Variants in OR51B5 observed in about 807,000 individuals in gnomAD.
OR51B5 encodes olfactory receptor 51B5.
For missense variants in OR51B5, 456 were observed against 374.6 expected (o/e 1.22, Z -1.79); for synonymous variants, 186 against 144.8 (o/e 1.28, Z -2.04).
intron 1 of OR51B5, among the ~76,000 whole-genome samples, chr11:5,443,511 GT>G (rs79669964): frequency 0.011 from 1,595 of 145,614 alleles, 21 homozygotes; most frequent in African/African-American, 0.032. Flanking sequence ...GTTCAGATCT[GT>G]TTTTTTTTTT....
At chr11:5,368,091 T>G (rs1378676885) in intron 1 of OR51B5, among the ~76,000 whole-genome samples, 1 of 152,160 alleles carries the variant, frequency 6.6e-6, no homozygotes, top group Non-Finnish European at 1.5e-5. Flanking sequence ...CACTCAGAAC[T>G]CTCTTTCTTT....
At chr11:5,433,322 G>T in intron 1 of OR51B5, among the ~76,000 whole-genome samples, 1 of 152,254 alleles carries the variant, frequency 6.6e-6, no homozygotes, top group East Asian at 1.9e-4. Flanking sequence ...CATAGTTAAT[G>T]TAATATAACA....
chr11:5,416,772 A>T (rs1434280701), intron 1 of OR51B5, among the ~76,000 whole-genome samples: 1 of 145,760 alleles, frequency 6.9e-6, no homozygotes, highest in African/African-American at 2.5e-5. Flanking sequence ...TCAATGAAAT[A>T]AAAGAGGATA....
At chr11:5,447,657 T>C (rs936956830) in intron 1 of OR51B5, among the ~76,000 whole-genome samples, 2 of 152,154 alleles carry the variant, frequency 1.3e-5, no homozygotes, top group Non-Finnish European at 2.9e-5. Flanking sequence ...CATTCCTCCT[T>C]TGCCAACCAG....
At chr11:5,381,922 C>T (rs1849614116) in intron 1 of OR51B5, among the ~76,000 whole-genome samples, 1 of 152,110 alleles carries the variant, frequency 6.6e-6, no homozygotes, top group South Asian at 2.1e-4. Context: ...GTAGGTTATC[C>T]ACTAAACAGT....
At chr11:5,456,750 T>C (rs528651177) in intron 1 of OR51B5, among the ~76,000 whole-genome samples, 16 of 152,210 alleles carry the variant, frequency 1.1e-4, no homozygotes, top group Admixed American at 3.3e-4. Flanking sequence ...AAATCTCAGG[T>C]TGAAATATAA....
At chr11:5,441,033 A>T (rs1159173020) in intron 1 of OR51B5, 1 of 1,613,934 alleles carries the variant, frequency 6.2e-7, no homozygotes, top group East Asian at 2.2e-5. Context: ...CACAAAAGGG[A>T]AAGGGAAGAG....
At chr11:5,465,487 C>T (rs34809204) in intron 1 of OR51B5, among the ~76,000 whole-genome samples, 47,756 of 151,440 alleles carry the variant, frequency 0.32, 8,015 homozygotes, top group Non-Finnish European at 0.36. Flanking sequence ...CAAAAAAGAG[C>T]CCCCATCACC....
chr11:5,446,731 G>C (rs569819119), intron 1 of OR51B5, among the ~76,000 whole-genome samples: 10 of 152,142 alleles, frequency 6.6e-5, no homozygotes, highest in Non-Finnish European at 1.5e-4. Flanking sequence ...CCATTCTAGG[G>C]ACATCTATTT....
chr11:5,424,850 C>A (rs1289559759), intron 1 of OR51B5, among the ~76,000 whole-genome samples: 1 of 104,574 alleles, frequency 9.6e-6, no homozygotes. Context: ...GGCGTGGTGG[C>A]GGGCGCCTAT....
intron 1 of OR51B5, among the ~76,000 whole-genome samples, chr11:5,464,926 G>A (rs528205420): frequency 6.6e-6 from 1 of 152,282 alleles, no homozygotes; most frequent in African/African-American, 2.4e-5. Flanking sequence ...GTTCCTATTG[G>A]CTGGGCGCGG....
intron 1 of OR51B5, among the ~76,000 whole-genome samples, chr11:5,429,537 A>C (rs1157153403): frequency 1.3e-5 from 2 of 152,110 alleles, no homozygotes; most frequent in African/African-American, 4.8e-5. Flanking sequence ...CCATAAATTC[A>C]CTTTATACAA....
At chr11:5,444,957 A>G (rs971806756) in intron 1 of OR51B5, among the ~76,000 whole-genome samples, 2 of 152,228 alleles carry the variant, frequency 1.3e-5, no homozygotes, top group Non-Finnish European at 2.9e-5. Flanking sequence ...AGCTCTCCTG[A>G]GACCTTCACA....
At chr11:5,343,412 A>G (rs773484190) in exon 1 of OR51B5, 15 of 1,613,744 alleles carry the variant, frequency 9.3e-6, no homozygotes, top group Admixed American at 1.7e-5. Flanking sequence ...GCCATTGCCA[A>G]AAAGGATGGA....
intron 1 of OR51B5, among the ~76,000 whole-genome samples, chr11:5,451,120 T>C (rs1232646877): frequency 9.9e-5 from 15 of 152,242 alleles, no homozygotes; most frequent in Non-Finnish European, 1.9e-4. Flanking sequence ...ATGCGTTCAA[T>C]AAGTATTCAT....
rs192714273 is a variant in OR51B5 at position 5,371,477 on chromosome 11, C to T, written n.85-24567G>A. ...CCCTGAGAGACAGTGATAGCTGTAT[C>T]TAAAGAGTACTGATATTAAAAATAG... On this transcript the variant is annotated intron_variant and non_coding_transcript_variant, in intron 1 of 4. Transcript: ENST00000415970. Among the ~76,000 whole-genome samples, 548 of 152,054 alleles carry T rather than the reference C, an allele frequency of 3.6e-3. 2 individuals are homozygous for T. Among genetic ancestry groups the T allele is most frequent in the African/African-American group, 0.012 (517 of 41,514 alleles).
intron 1 of OR51B5, among the ~76,000 whole-genome samples, chr11:5,373,389 C>G (rs1041022868): frequency 3.3e-5 from 5 of 152,154 alleles, no homozygotes; most frequent in African/African-American, 1.2e-4. Context: ...CTACAGCTCC[C>G]AGCGTGAACA....
intron 1 of OR51B5, among the ~76,000 whole-genome samples, chr11:5,463,076 G>T (rs1851083379): frequency 6.6e-6 from 1 of 152,124 alleles, no homozygotes; most frequent in African/African-American, 2.4e-5. Context: ...GGTGGGTGTG[G>T]TTTCATTCAT....
At chr11:5,498,382 G>T (rs422743) in intron 1 of OR51B5, among the ~76,000 whole-genome samples, 150,257 of 152,250 alleles carry the variant, frequency 0.99, 74,180 homozygotes, top group East Asian at 1. Context: ...CAAAGGACAG[G>T]ACCCAAGAAA....
Sources: gnomAD v4.1 joint callset for allele counts (sites outside exome capture counted in the v4.1 genomes callset) on GRCh38, gnomAD v4.1.1 for gene constraint, MANE v1.5 for transcripts, NCBI Gene and HGNC (gene_info 2026-07-23, HGNC 2026-07-21) for gene names.